SLC20A2: variants seen among roughly 807,000 people sequenced by gnomAD.
SLC20A2 encodes the protein sodium-dependent phosphate transporter 2.
Under a neutral mutation model 61.0 loss-of-function variants are expected in SLC20A2, and 30 were observed. That is an observed-to-expected ratio of 0.49 (90% CI 0.37 to 0.67). SLC20A2 has a LOEUF of 0.67. SLC20A2 is among the 30% of genes least tolerant of loss of function. SLC20A2 has a pLI of 0.00. For missense variants in SLC20A2, 626 were observed against 866.4 expected (o/e 0.72, Z 3.48); for synonymous variants, 351 against 353.3 (o/e 0.99, Z 0.07).
At chr8:42,527,879 C>G (rs1261187566) in intron 1 of SLC20A2, among the ~76,000 whole-genome samples, 1 of 151,886 alleles carries the variant, frequency 6.6e-6, no homozygotes, top group African/African-American at 2.4e-5. Context: ...AAACAACATG[C>G]CTATTATAAA....
At chr8:42,541,795 C>T (rs1308225753) in intron 1 of SLC20A2, 3 of 149,338 alleles carry the variant, frequency 2.0e-5, no homozygotes, top group Admixed American at 6.6e-5. Flanking sequence ...GCCCCGGACG[C>T]GGGGGTAAGG....
chr8:42,526,219 G>A (rs2131415723), intron 1 of SLC20A2, among the ~76,000 whole-genome samples: 1 of 152,242 alleles, frequency 6.6e-6, no homozygotes, highest in Middle Eastern at 3.4e-3. Context: ...TGATGAAAAT[G>A]GCCTGCTGCC....
intron 1 of SLC20A2, among the ~76,000 whole-genome samples, chr8:42,532,008 T>C (rs1812363078): frequency 6.6e-6 from 1 of 151,210 alleles, no homozygotes; most frequent in Admixed American, 6.6e-5. Context: ...TTTGTATTTT[T>C]AGTAGAGACG....
intron 1 of SLC20A2, among the ~76,000 whole-genome samples, chr8:42,508,823 C>T (rs1335015350): frequency 6.6e-6 from 1 of 152,200 alleles, no homozygotes; most frequent in Non-Finnish European, 1.5e-5. Flanking sequence ...TAGGGGACAG[C>T]TTGATTGAGA....
intron 1 of SLC20A2, among the ~76,000 whole-genome samples, chr8:42,532,556 T>C (rs186398658): frequency 6.6e-6 from 1 of 152,178 alleles, no homozygotes; most frequent in African/African-American, 2.4e-5. Context: ...GGGAAGTTAA[T>C]AATAATTGAT....
chr8:42,540,186 G>C lies in SLC20A2; in HGVS notation c.-265+1635C>G, dbSNP rs1207391193. On this transcript the variant is annotated intron_variant, in intron 1 of 10. Coordinates refer to the SLC20A2 transcript ENST00000342228. Reference sequence around the variant, plus strand: ...GGGCGCCTGTAATCCCAGCTACCTGGGAGGCTAAGGAAGGAGAATCGCTTG... The same window carrying C: ...GGGCGCCTGTAATCCCAGCTACCTGCGAGGCTAAGGAAGGAGAATCGCTTG... Among the ~76,000 whole-genome samples the C allele has an allele frequency of 3.3e-5, 5 of 152,110 alleles. No individual in the cohort carries two copies. In the East Asian group the frequency reaches 9.6e-4, roughly 29 times the overall value.
intron 2 of SLC20A2, among the ~76,000 whole-genome samples, chr8:42,470,598 C>G (rs1807555259): frequency 6.6e-6 from 1 of 152,134 alleles, no homozygotes; most frequent in Non-Finnish European, 1.5e-5. Flanking sequence ...GTACAACAGG[C>G]TGCTTCTTAT....
intron 1 of SLC20A2, among the ~76,000 whole-genome samples, chr8:42,525,261 C>T (rs1342478130): frequency 2.0e-5 from 3 of 152,044 alleles, no homozygotes; most frequent in Non-Finnish European, 4.4e-5. Flanking sequence ...AATCTGCTTA[C>T]GTATTATTAA....
intron 1 of SLC20A2, among the ~76,000 whole-genome samples, chr8:42,497,031 C>G (rs1212347627): frequency 1.3e-5 from 2 of 152,234 alleles, no homozygotes; most frequent in Non-Finnish European, 2.9e-5. Flanking sequence ...CAATATTATT[C>G]TCACATTATC....
chr8:42,492,310 C>T (rs780965697), intron 1 of SLC20A2, among the ~76,000 whole-genome samples: 6 of 152,064 alleles, frequency 3.9e-5, no homozygotes, highest in African/African-American at 1.4e-4. Context: ...GAGCTGAGAT[C>T]GTGCCATTGC....
At chr8:42,434,980 G>A (rs566124430) in intron 8 of SLC20A2, among the ~76,000 whole-genome samples, 22 of 152,114 alleles carry the variant, frequency 1.4e-4, no homozygotes, top group Admixed American at 1.2e-3. Context: ...ACTTTTCCAC[G>A]GATATGTTTT....
At chr8:42,489,799 G>C (rs139958833) in intron 1 of SLC20A2, among the ~76,000 whole-genome samples, 2 of 152,352 alleles carry the variant, frequency 1.3e-5, no homozygotes, top group East Asian at 3.9e-4. Context: ...ATGGCTGTGT[G>C]TGGCTCGAAG....
At chr8:42,506,529 T>TA (rs1810722160) in intron 1 of SLC20A2, among the ~76,000 whole-genome samples, 1 of 152,210 alleles carries the variant, frequency 6.6e-6, no homozygotes, top group Admixed American at 6.5e-5. Context: ...TTTGGGATAT[T>TA]TACTGAGTGC....
chr8:42,508,903 A>C, intron 1 of SLC20A2, among the ~76,000 whole-genome samples: 1 of 152,226 alleles, frequency 6.6e-6, no homozygotes, highest in East Asian at 1.9e-4. Flanking sequence ...TAGGCTATAA[A>C]GTATCCAATG....
chr8:42,484,258 A>G (rs1257908034), intron 1 of SLC20A2, among the ~76,000 whole-genome samples: 1 of 152,256 alleles, frequency 6.6e-6, no homozygotes, highest in Non-Finnish European at 1.5e-5. Flanking sequence ...ACCTGATTCT[A>G]CTTCACTAAT....
intron 3 of SLC20A2, among the ~76,000 whole-genome samples, chr8:42,463,923 A>T (rs919230224): frequency 2.6e-5 from 4 of 151,772 alleles, no homozygotes; most frequent in African/African-American, 9.7e-5. Flanking sequence ...GTGGGATGGT[A>T]TTTGTGGAGG....
chr8:42,527,942 G>A (rs371909882), intron 1 of SLC20A2, among the ~76,000 whole-genome samples: 17 of 151,970 alleles, frequency 1.1e-4, no homozygotes, highest in Non-Finnish European at 1.0e-4. Context: ...AAAAGTCAGC[G>A]AAACTATACA....
chr8:42,437,804 T>C lies in SLC20A2; in HGVS notation c.935-227A>G, dbSNP rs902570641. Among the ~76,000 whole-genome samples, 8 of 151,396 alleles carry C rather than the reference T, an allele frequency of 5.3e-5. No individual in the cohort carries two copies. Among genetic ancestry groups the C allele is most frequent in the African/African-American group, 1.9e-4 (8 of 41,224 alleles). The stretch of plus-strand genomic sequence containing the variant: ...AACTTTTTTGTATTTTTAGTAGAGA[T>C]GGGGTTTCACCATGTTGGCCAGGAT... On this transcript the variant is annotated intron_variant, in intron 7 of 10. Coordinates refer to ENST00000520262, the MANE Select transcript of SLC20A2 (RefSeq NM_001257180.2). This position sits in a 1 kb window ranked among gnomAD's most constrained non-coding sequence, Gnocchi z 6.4.
At chr8:42,531,985 A>ATT (rs11323818) in intron 1 of SLC20A2, among the ~76,000 whole-genome samples, 3 of 143,388 alleles carry the variant, frequency 2.1e-5, no homozygotes, top group Admixed American at 7.0e-5. Flanking sequence ...CGCCTGGCTA[A>ATT]TTTTTTTTTT....
Sources: allele counts gnomAD v4.1 joint callset (sites outside exome capture counted in the v4.1 genomes callset), GRCh38; gene constraint gnomAD v4.1.1; non-coding constraint Gnocchi (gnomAD v3.1); transcripts MANE v1.5; gene names NCBI Gene and HGNC (gene_info 2026-07-23, HGNC 2026-07-21).